Variants in FAM135A observed in about 807,000 individuals in gnomAD.
FAM135A encodes the protein family with sequence similarity 135 member A, also known as protein FAM135A.
A neutral mutation model predicts 146.8 loss-of-function variants in FAM135A; 79 were observed. That is an observed-to-expected ratio of 0.54 (90% CI 0.45 to 0.65). The LOEUF (loss-of-function observed/expected upper bound fraction) is 0.65, where lower values mean the gene tolerates loss of function less well. Among genes scored for constraint, FAM135A ranks in the 30% least tolerant of loss-of-function variants. The pLI is 0.00. For missense variants in FAM135A, 1,623 were observed against 1,758.2 expected, an observed-to-expected ratio of 0.92 and a Z score of 1.38; for synonymous variants, 562 against 603.6, an observed-to-expected ratio of 0.93 and a Z score of 1.01.
rs1783813682 is a variant in FAM135A, at chr6:70,482,060, A to G, written c.729A>G (p.Thr243=). 1 of 1,613,788 alleles carries G rather than the reference A, an allele frequency of 6.2e-7. No individual in the cohort carries two copies. The highest frequency in any genetic ancestry group is 8.5e-7 in the Non-Finnish European group (1 of 1,179,832). ...ATCATGCGTATCGTTTTCATTATACACTTTGTGCCACTTTGCTGCTAGCCT... is the reference window on the plus strand; with the variant it reads ...ATCATGCGTATCGTTTTCATTATACGCTTTGTGCCACTTTGCTGCTAGCCT... The part of the protein sequence containing the change: ...FLHHAYRFHY[T]LCATLLLAFK... Residue 243 remains threonine, a synonymous_variant, in exon 10 of 22, where the codon ACA becomes ACG. Transcript: ENST00000418814.
At chr6:70,503,749 A>T (rs1197480263) in intron 12 of FAM135A, 1 of 152,324 alleles carries the variant, frequency 6.6e-6, no homozygotes, top group South Asian at 2.1e-4. Context: ...GAAATTGTAC[A>T]GTAGTATTCT....
At position 70,502,639 on chromosome 6, in the gene FAM135A, A is replaced by G. The variant is rs555290400; in HGVS notation, c.877A>G (p.Ile293Val). 3 of 1,603,194 alleles carry G rather than the reference A, an allele frequency of 1.9e-6. No individual in the cohort carries two copies. The highest frequency in any genetic ancestry group is 2.2e-5 in the East Asian group (1 of 44,724). The change falls in exon 12 of 22, where the codon ATA (isoleucine) becomes GTA (valine). Residue 293 changes from isoleucine to valine, a missense_variant. Physicochemically the swap from Ile to Val is conservative, Grantham distance 29 (BLOSUM62 3). Transcript: ENST00000418814. ...ATTTTTTTTCTTTTCATTTCAGAAA[A>G]TAGAGAATCCTGATGAACTGGCAGA... ...LTELCEEVKKIENPDELAELI... is the reference protein window; with the variant it reads ...LTELCEEVKKVENPDELAELI...
At chr6:70,543,856 T>C (rs1220315535) in intron 20 of FAM135A, among the ~76,000 whole-genome samples, 2 of 152,228 alleles carry the variant, frequency 1.3e-5, no homozygotes, top group Non-Finnish European at 1.5e-5. Context: ...TTTTTTTCTT[T>C]TAAGTTATTA....
chr6:70,553,279 AT>A (rs895068752), intron 20 of FAM135A, among the ~76,000 whole-genome samples: 9 of 152,348 alleles, frequency 5.9e-5, no homozygotes, highest in Admixed American at 5.2e-4. Flanking sequence ...TAACCTGTTG[AT>A]TTGTTTACAT....
intron 4 of FAM135A, among the ~76,000 whole-genome samples, chr6:70,434,673 A>T (rs1046392732): frequency 6.6e-6 from 1 of 152,206 alleles, no homozygotes; most frequent in African/African-American, 2.4e-5. Flanking sequence ...GGTTTCATTC[A>T]TTTTGAAAAG....
At chr6:70,497,575 A>G (rs1338214414) in intron 11 of FAM135A, among the ~76,000 whole-genome samples, 2 of 152,128 alleles carry the variant, frequency 1.3e-5, no homozygotes, top group East Asian at 1.9e-4. Context: ...GTCTTGTGCC[A>G]GTTTTCAAAG....
Position 70,525,311 on chromosome 6 carries a change from G to T in FAM135A, c.2227G>T (p.Glu743Ter). ...TAATCTACCTGCCCCTTCTACAAAA[G>T]AATATCATGTTGTAGTAAGTGGAGA... The part of the protein sequence containing the change: ...RSNLPAPSTK[E>*]YHVVVSGDTI... Residue 743 changes from glutamate to a stop codon, truncating the protein, a stop_gained, in exon 15 of 22, where the codon GAA becomes TAA. Coordinates refer to ENST00000418814, the MANE Select transcript of FAM135A (RefSeq NM_001162529.3). LOFTEE classifies it high-confidence loss of function. 1 of 1,610,194 alleles carries T rather than the reference G, an allele frequency of 6.2e-7. No homozygotes were observed. Among genetic ancestry groups the T allele is most frequent in the Non-Finnish European group, 8.5e-7 (1 of 1,178,428 alleles).
At chr6:70,490,967 G>T in intron 10 of FAM135A, 67 bp from the exon 11 acceptor site, 1 of 1,188,590 alleles carries the variant, frequency 8.4e-7, no homozygotes, top group South Asian at 1.7e-5. Flanking sequence ...GTTTTTTATG[G>T]GAATTTTATT....
At chr6:70,441,682 CA>C (rs1228745575) in intron 4 of FAM135A, among the ~76,000 whole-genome samples, 2 of 148,270 alleles carry the variant, frequency 1.3e-5, no homozygotes, top group Non-Finnish European at 3.0e-5. Flanking sequence ...ACAGCATTAG[CA>C]AATTTTTTTT....
At chr6:70,472,576 T>C (rs988365939) in intron 5 of FAM135A, among the ~76,000 whole-genome samples, 4 of 152,224 alleles carry the variant, frequency 2.6e-5, no homozygotes, top group Non-Finnish European at 5.9e-5. Flanking sequence ...TGTCGTCTTA[T>C]CCATAGCCCC....
chr6:70,428,279 G>T, intron 3 of FAM135A, 25 bp from the exon 4 acceptor site: 5 of 1,192,370 alleles, frequency 4.2e-6, no homozygotes, highest in South Asian at 1.6e-5. Context: ...CGCTTCTCAT[G>T]ATTTTTTCCC....
chr6:70,529,648 G>T (rs1039827447), intron 16 of FAM135A, among the ~76,000 whole-genome samples: 5 of 152,030 alleles, frequency 3.3e-5, no homozygotes, highest in Non-Finnish European at 7.4e-5. Flanking sequence ...TAGAACAATG[G>T]AGAAAAAGAT....
chr6:70,483,638 T>C (rs955616190), intron 10 of FAM135A, among the ~76,000 whole-genome samples: 1 of 152,184 alleles, frequency 6.6e-6, no homozygotes, highest in Non-Finnish European at 1.5e-5. Context: ...CAAATATCTT[T>C]ATTGGTGGTT....
chr6:70,536,134 T>C, intron 18 of FAM135A, 126 bp from the exon 19 acceptor site: 1 of 840,016 alleles, frequency 1.2e-6, no homozygotes, highest in Non-Finnish European at 1.7e-6. Flanking sequence ...AAAGTATCAC[T>C]ATACTTTTAC....
At chr6:70,499,748 G>T (rs761847308) in intron 11 of FAM135A, among the ~76,000 whole-genome samples, 34 of 152,194 alleles carry the variant, frequency 2.2e-4, no homozygotes, top group African/African-American at 8.2e-4. Flanking sequence ...CTTTTTGGTT[G>T]GATATGAAAT....
intron 12 of FAM135A, among the ~76,000 whole-genome samples, chr6:70,509,698 C>T (rs1790570168): frequency 6.6e-6 from 1 of 152,128 alleles, no homozygotes; most frequent in Non-Finnish European, 1.5e-5. Context: ...AATATTTTGT[C>T]ATTCCCATTT....
chr6:70,524,406 AAT>A lies in FAM135A; in HGVS notation c.1325_1326del (p.Tyr442Ter). ...AGATCAGAGTCCAGTAAAATGGATA[AAT>A]ATGAGACTGAAGAAAGCTCTGTAGC... On this transcript the variant is annotated frameshift_variant, in exon 15 of 22. Coordinates refer to ENST00000418814, the MANE Select transcript of FAM135A (RefSeq NM_001162529.3). LOFTEE classifies it high-confidence loss of function. 1 of 1,523,814 alleles carries A rather than the reference AAT, an allele frequency of 6.6e-7. No individual in the cohort carries two copies. Among genetic ancestry groups the A allele is most frequent in the South Asian group, 1.3e-5 (1 of 78,100 alleles). The allele number at this position is 1,523,814 out of a possible 1,614,324, so 94.4% of individuals were successfully genotyped here.
chr6:70,524,603 A>C lies in FAM135A; in HGVS notation c.1519A>C (p.Lys507Gln). 6.5e-7 allele frequency: 1 copy of C among 1,543,066 alleles called. No individual in the cohort carries two copies. Among genetic ancestry groups the C allele is most frequent in the East Asian group, 2.4e-5 (1 of 40,888 alleles). Reference sequence around the variant, plus strand: ...GAAAACAATGAAATCTGAAAACACAAAAAAATTAATAAAACAGAACTCTAA... The same window carrying C: ...GAAAACAATGAAATCTGAAAACACACAAAAATTAATAAAACAGAACTCTAA... The part of the protein sequence containing the change: ...LMKTMKSENT[K>Q]KLIKQNSKDS... Residue 507 changes from lysine (K) to glutamine (Q), a missense_variant, in exon 15 of 22, where the codon AAA becomes CAA. Around this residue, in one of 7 missense-constraint regions of FAM135A, gnomAD observed 1,061 missense variants for 1,113.8 expected, o/e 0.95. Transcript: ENST00000418814.
chr6:70,434,405 CAGT>C (rs1476379828), intron 4 of FAM135A, among the ~76,000 whole-genome samples: 1 of 152,158 alleles, frequency 6.6e-6, no homozygotes, highest in Non-Finnish European at 1.5e-5. Flanking sequence ...GTGCTATTCT[CAGT>C]AGCTTGTCTG....
Sources: gnomAD v4.1 joint callset for allele counts (sites outside exome capture counted in the v4.1 genomes callset) on GRCh38, gnomAD v4.1.1 for gene constraint, gnomAD v4.1.1 regional missense constraint, MANE v1.5 for transcripts, NCBI Gene and HGNC (gene_info 2026-07-23, HGNC 2026-07-21) for gene names.